N4BP1: variants seen among roughly 807,000 people sequenced by gnomAD.
N4BP1 encodes NEDD4-binding protein 1.
N4BP1 carries 21 observed loss-of-function variants against 70.9 expected under a neutral mutation model. The observed-to-expected ratio is 0.30, with a 90% CI of 0.21 to 0.43. N4BP1 has a LOEUF of 0.43. Ranked by LOEUF, N4BP1 falls within the 20% of genes least tolerant of loss-of-function variation. The pLI is 1.00. For synonymous variants in N4BP1, 387 were observed against 394.6 expected, an observed-to-expected ratio of 0.98 and a Z score of 0.23; for missense variants, 936 against 1,069.4, an observed-to-expected ratio of 0.88 and a Z score of 1.74.
intron 4 of N4BP1, among the ~76,000 whole-genome samples, chr16:48,548,897 C>T (rs1208311636): frequency 3.3e-5 from 5 of 150,660 alleles, no homozygotes; most frequent in Non-Finnish European, 7.4e-5. Flanking sequence ...AAAGAGGTAT[C>T]TAGAATTGCC....
intron 1 of N4BP1, among the ~76,000 whole-genome samples, chr16:48,573,981 TCA>T (rs1964058099): frequency 6.6e-6 from 1 of 152,174 alleles, no homozygotes; most frequent in Non-Finnish European, 1.5e-5. Context: ...TCTTGCTATT[TCA>T]GAGGTGGAAA....
chr16:48,586,432 T>C (rs2151097369), intron 1 of N4BP1, among the ~76,000 whole-genome samples: 1 of 152,352 alleles, frequency 6.6e-6, no homozygotes, highest in Non-Finnish European at 1.5e-5. Context: ...GTTTAATGTC[T>C]TTTTCCAGTT....
intron 1 of N4BP1, among the ~76,000 whole-genome samples, chr16:48,577,333 GCTTT>G (rs961203215): frequency 1.3e-5 from 2 of 151,130 alleles, no homozygotes; most frequent in African/African-American, 4.9e-5. Flanking sequence ...TGTGTTTTTT[GCTTT>G]CTTTCTCTAT....
intron 1 of N4BP1, among the ~76,000 whole-genome samples, chr16:48,571,675 T>C (rs1964022938): frequency 6.6e-6 from 1 of 151,710 alleles, no homozygotes; most frequent in African/African-American, 2.4e-5. Flanking sequence ...GAAATCAGAA[T>C]AGAAATGTGG....
At chr16:48,576,673 TCTC>T (rs1964099523) in intron 1 of N4BP1, among the ~76,000 whole-genome samples, 2 of 152,158 alleles carry the variant, frequency 1.3e-5, no homozygotes, top group South Asian at 2.1e-4. Context: ...CCCTTTGACT[TCTC>T]CTCCATTTCA....
intron 1 of N4BP1, among the ~76,000 whole-genome samples, chr16:48,598,055 T>C (rs1016342180): frequency 1.3e-5 from 2 of 152,184 alleles, no homozygotes; most frequent in African/African-American, 4.8e-5. Context: ...ACTCCCTCTA[T>C]AAATGCCAAG....
chr16:48,554,770 A>G (rs1963726687), intron 2 of N4BP1, among the ~76,000 whole-genome samples: 1 of 152,228 alleles, frequency 6.6e-6, no homozygotes, highest in Non-Finnish European at 1.5e-5. Context: ...CATGATGGGC[A>G]TATGTGTCCC....
chr16:48,564,184 C>T (rs994952109), intron 1 of N4BP1, among the ~76,000 whole-genome samples: 3 of 152,158 alleles, frequency 2.0e-5, no homozygotes, highest in Non-Finnish European at 2.9e-5. Flanking sequence ...TTTGTCTTCC[C>T]ATCCTCTTAA....
chr16:48,583,699 T>C (rs9936360), intron 1 of N4BP1, among the ~76,000 whole-genome samples: 3,156 of 152,304 alleles, frequency 0.021, 113 homozygotes, highest in African/African-American at 0.073. Flanking sequence ...TTTGAAAACT[T>C]CAAGTGCTCT....
chr16:48,544,761 A>G (rs1404149073), intron 6 of N4BP1, among the ~76,000 whole-genome samples: 1 of 152,214 alleles, frequency 6.6e-6, no homozygotes, highest in Admixed American at 6.5e-5. Flanking sequence ...TCCCCCAGGC[A>G]GTGATTCCTA....
intron 1 of N4BP1, among the ~76,000 whole-genome samples, chr16:48,574,656 TAA>T (rs1964067191): frequency 1.3e-5 from 2 of 152,204 alleles, no homozygotes; most frequent in Admixed American, 6.5e-5. Context: ...TTAATCAACT[TAA>T]GTCAGTATTA....
chr16:48,583,096 T>C (rs1334344333), intron 1 of N4BP1, among the ~76,000 whole-genome samples: 1 of 151,926 alleles, frequency 6.6e-6, no homozygotes, highest in African/African-American at 2.4e-5. Flanking sequence ...AATAAATAAA[T>C]AAATAAATAA....
chr16:48,572,770 A>G (rs867698708), intron 1 of N4BP1, among the ~76,000 whole-genome samples: 1 of 152,166 alleles, frequency 6.6e-6, no homozygotes, highest in South Asian at 2.1e-4. Context: ...ATAAATAAAT[A>G]CTTATAAAGT....
intron 5 of N4BP1, 63 bp downstream of exon 5, chr16:48,547,944 C>T: frequency 9.2e-7 from 1 of 1,081,126 alleles, no homozygotes; most frequent in South Asian, 1.3e-5. Flanking sequence ...GAACAAAATG[C>T]ACACAGAAAC....
At chr16:48,588,924 C>G (rs977706197) in intron 1 of N4BP1, among the ~76,000 whole-genome samples, 1 of 152,068 alleles carries the variant, frequency 6.6e-6, no homozygotes, top group Non-Finnish European at 1.5e-5. Context: ...ACTTTGTGGT[C>G]CACAAAGTCT....
At chr16:48,594,551 T>G (rs1309137086) in intron 1 of N4BP1, among the ~76,000 whole-genome samples, 1 of 152,160 alleles carries the variant, frequency 6.6e-6, no homozygotes, top group East Asian at 1.9e-4. Flanking sequence ...AGACGGGGTT[T>G]CACCATGTTG....
intron 1 of N4BP1, among the ~76,000 whole-genome samples, chr16:48,580,557 G>A (rs1026548822): frequency 6.6e-6 from 1 of 152,080 alleles, no homozygotes; most frequent in Non-Finnish European, 1.5e-5. Flanking sequence ...TGAAGAGGAG[G>A]AAATACTTCC....
At chr16:48,572,979 G>A (rs1964040515) in intron 1 of N4BP1, among the ~76,000 whole-genome samples, 1 of 151,770 alleles carries the variant, frequency 6.6e-6, no homozygotes. Context: ...GAGCATGGTG[G>A]TGCATGTCTG....
At chr16:48,598,862 T>C (rs974795164) in intron 1 of N4BP1, among the ~76,000 whole-genome samples, 3 of 152,102 alleles carry the variant, frequency 2.0e-5, no homozygotes, top group Non-Finnish European at 4.4e-5. Context: ...AAGCCCCGAC[T>C]AGGGCTACTA....
Sources: gnomAD v4.1 joint callset for allele counts (sites outside exome capture counted in the v4.1 genomes callset) on GRCh38, gnomAD v4.1.1 for gene constraint, MANE v1.5 for transcripts, NCBI Gene and HGNC (gene_info 2026-07-23, HGNC 2026-07-21) for gene names.